PTPRD: variants seen among roughly 807,000 people sequenced by gnomAD.
PTPRD encodes protein tyrosine phosphatase receptor type D.
In PTPRD, 34 loss-of-function variants were observed where a neutral mutation model predicts 214.5. The ratio of observed to expected loss-of-function variants is 0.16; its 90% CI spans 0.12 to 0.21. PTPRD has a LOEUF of 0.21. Ranked by LOEUF, PTPRD falls within the 10% of genes least tolerant of loss-of-function variation. The pLI is 1.00. For missense variants in PTPRD, 2,545 were observed against 2,398.7 expected (o/e 1.06, Z -1.27); for synonymous variants, 1,128 against 845.7 (o/e 1.33, Z -5.79).
At chr9:8,898,986 TA>T (rs1235850905) in intron 11 of PTPRD, among the ~76,000 whole-genome samples, 2 of 152,194 alleles carry the variant, frequency 1.3e-5, no homozygotes, top group Non-Finnish European at 2.9e-5. Context: ...AGTATTTTAA[TA>T]AAAGTGACTT....
intron 8 of PTPRD, among the ~76,000 whole-genome samples, chr9:9,471,666 T>TTTAA (rs1569568623): frequency 9.3e-4 from 141 of 152,318 alleles, no homozygotes; most frequent in African/African-American, 3.0e-3. Context: ...AATTTCATTA[T>TTTAA]AGGAGATGTA....
intron 10 of PTPRD, among the ~76,000 whole-genome samples, chr9:9,067,965 A>G (rs2099737529): frequency 6.6e-6 from 1 of 152,166 alleles, no homozygotes; most frequent in Non-Finnish European, 1.5e-5. Flanking sequence ...TTTTAACCAC[A>G]TTCACTTTTC....
chr9:8,758,079 G>A (rs2094145722), intron 11 of PTPRD, among the ~76,000 whole-genome samples: 1 of 152,166 alleles, frequency 6.6e-6, no homozygotes, highest in African/African-American at 2.4e-5. Flanking sequence ...AATAATGGCT[G>A]CCTCCAGCCT....
intron 9 of PTPRD, among the ~76,000 whole-genome samples, chr9:9,233,039 G>A (rs184051793): frequency 1.3e-5 from 2 of 152,004 alleles, no homozygotes; most frequent in East Asian, 3.9e-4. Flanking sequence ...ACCAGAAGGG[G>A]CCCTACTCAG....
intron 10 of PTPRD, among the ~76,000 whole-genome samples, chr9:9,094,512 C>T (rs2099780723): frequency 6.6e-6 from 1 of 152,046 alleles, no homozygotes; most frequent in Non-Finnish European, 1.5e-5. Context: ...ACTTTGGGGA[C>T]TTACGGTTGG....
intron 14 of PTPRD, among the ~76,000 whole-genome samples, chr9:8,604,112 G>C (rs1336857182): frequency 6.6e-6 from 1 of 152,098 alleles, no homozygotes. Flanking sequence ...AATCTACTAT[G>C]TGCCCAGTAC....
At position 8,587,043 on chromosome 9, in the gene PTPRD, G is replaced by A. The variant is rs112767336; in HGVS notation, c.352+46274C>T. Among the ~76,000 whole-genome samples the A allele has an allele frequency of 9.4e-3, 1,429 of 152,112 alleles. 18 individuals carry two copies. The highest frequency in any genetic ancestry group is 0.032 in the African/African-American group (1,327 of 41,494). On this transcript the variant is annotated intron_variant, in intron 14 of 45. Coordinates refer to ENST00000381196, the MANE Select transcript of PTPRD (RefSeq NM_002839.4). ...CGGGTGCCTGTAGTCCCAGCTACTC[G>A]GGAGGCTGAGGCAGGAGAATGGTGT...
intron 11 of PTPRD, among the ~76,000 whole-genome samples, chr9:8,827,237 C>T (rs1316189518): frequency 6.6e-6 from 1 of 152,156 alleles, no homozygotes. Context: ...ATTCATATTT[C>T]AGTCCCCCAA....
intron 11 of PTPRD, among the ~76,000 whole-genome samples, chr9:8,805,108 T>A (rs1018113748): frequency 1.3e-5 from 2 of 152,120 alleles, no homozygotes; most frequent in Non-Finnish European, 2.9e-5. Context: ...AACCTATACC[T>A]CACAGATAGT....
At chr9:9,488,405 G>C (rs1200073504) in intron 8 of PTPRD, among the ~76,000 whole-genome samples, 1 of 152,054 alleles carries the variant, frequency 6.6e-6, no homozygotes, top group Non-Finnish European at 1.5e-5. Context: ...GCCAAGACCT[G>C]CTGCCTCTAC....
chr9:8,492,440 G>A (rs534090009), intron 27 of PTPRD, among the ~76,000 whole-genome samples: 4 of 151,846 alleles, frequency 2.6e-5, no homozygotes, highest in Admixed American at 1.3e-4. Context: ...TTGCCTATAC[G>A]CTTTTACTTT....
At chr9:10,336,889 C>G (rs140423564) in intron 3 of PTPRD, among the ~76,000 whole-genome samples, 1 of 151,616 alleles carries the variant, frequency 6.6e-6, no homozygotes, top group Non-Finnish European at 1.5e-5. Flanking sequence ...AAGTCATTCT[C>G]TATAGACAGA....
At chr9:8,578,318 A>C (rs549904204) in intron 14 of PTPRD, among the ~76,000 whole-genome samples, 5 of 152,312 alleles carry the variant, frequency 3.3e-5, no homozygotes, top group Middle Eastern at 3.4e-3. Flanking sequence ...TTTTTAAGTA[A>C]TCAACTAGGT....
At position 8,731,438 on chromosome 9, in the gene PTPRD, C is replaced by T. The variant is rs546374764; in HGVS notation, c.64+2342G>A. ...AGAAGGCTAGATGTGCTAATGAAGG[C>T]ATAAGAAAACAAATCAGTGACCCAG... On this transcript the variant is annotated intron_variant, in intron 12 of 45. Transcript: ENST00000381196. Among the ~76,000 whole-genome samples the T allele has an allele frequency of 4.6e-5, 7 of 152,196 alleles. No homozygotes were observed. The East Asian group carries it at 9.7e-4, about 21-fold the overall frequency.
At chr9:9,007,209 C>G (rs1229998543) in intron 11 of PTPRD, among the ~76,000 whole-genome samples, 1 of 151,556 alleles carries the variant, frequency 6.6e-6, no homozygotes, top group Non-Finnish European at 1.5e-5. Flanking sequence ...ATACAGTAAT[C>G]TGTTTTAGGA....
At chr9:10,381,094 A>G (rs907909522) in intron 2 of PTPRD, among the ~76,000 whole-genome samples, 10 of 151,826 alleles carry the variant, frequency 6.6e-5, no homozygotes, top group African/African-American at 2.4e-4. Context: ...TAATTAAAAT[A>G]TAAGACCAAA....
chr9:9,585,768 C>G (rs1260989148), intron 7 of PTPRD, among the ~76,000 whole-genome samples: 4 of 151,894 alleles, frequency 2.6e-5, no homozygotes, highest in Non-Finnish European at 4.4e-5. Flanking sequence ...TTGCAGTTGG[C>G]TATAGCAAGG....
chr9:9,663,429 T>C lies in PTPRD; in HGVS notation c.-287+71104A>G, dbSNP rs149124439. On this transcript the variant is annotated intron_variant, in intron 7 of 45. Transcript: ENST00000381196. ...AAGTGACTACAGTATCTTCATAAGATGGTTTTAACACAGAATTCAACCCAG... is the reference window on the plus strand; with the variant it reads ...AAGTGACTACAGTATCTTCATAAGACGGTTTTAACACAGAATTCAACCCAG... Among the ~76,000 whole-genome samples the C allele has an allele frequency of 5.2e-3, 790 of 151,670 alleles. 4 individuals carry two copies. The highest frequency in any genetic ancestry group is 0.012 in the African/African-American group (502 of 41,508).
chr9:10,547,334 G>T (rs141075285), intron 2 of PTPRD, among the ~76,000 whole-genome samples: 3 of 151,146 alleles, frequency 2.0e-5, no homozygotes, highest in Admixed American at 2.0e-4. Context: ...TTAAGTCACT[G>T]CCAGATTTGG....
Sources: allele counts gnomAD v4.1 joint callset (sites outside exome capture counted in the v4.1 genomes callset), GRCh38; gene constraint gnomAD v4.1.1; transcripts MANE v1.5; gene names NCBI Gene and HGNC (gene_info 2026-07-23, HGNC 2026-07-21).